MEI1: variants seen among roughly 807,000 people sequenced by gnomAD.
MEI1 encodes meiosis inhibitor protein 1.
MEI1 carries 103 observed loss-of-function variants against 146.2 expected under a neutral mutation model. The ratio of observed to expected loss-of-function variants is 0.70; its 90% CI spans 0.60 to 0.83. The LOEUF (loss-of-function observed/expected upper bound fraction) is 0.83, where lower values mean the gene tolerates loss of function less well. Among genes scored for constraint, MEI1 ranks in the 40% least tolerant of loss-of-function variants. The pLI, the probability that MEI1 is intolerant of heterozygous loss-of-function variation, is 0.00. For missense variants in MEI1, 1,529 were observed against 1,533.0 expected (o/e 1.00, Z 0.04); for synonymous variants, 652 against 628.2 (o/e 1.04, Z -0.57).
chr22:41,759,758 G>A (rs1022726264), intron 18 of MEI1, among the ~76,000 whole-genome samples: 4 of 152,158 alleles, frequency 2.6e-5, no homozygotes, highest in Admixed American at 1.3e-4. Flanking sequence ...GAACCCAGGA[G>A]GTGGAGGTTG....
intron 11 of MEI1, among the ~76,000 whole-genome samples, chr22:41,741,210 T>C (rs2072835920): frequency 6.6e-6 from 1 of 152,206 alleles, no homozygotes; most frequent in South Asian, 2.1e-4. Flanking sequence ...ACAAGCTTGC[T>C]TTAGAGGGGA....
At chr22:41,730,059 T>C (rs937451202) in intron 8 of MEI1, among the ~76,000 whole-genome samples, 1 of 152,218 alleles carries the variant, frequency 6.6e-6, no homozygotes, top group African/African-American at 2.4e-5. Flanking sequence ...GGGACTGTTA[T>C]GAGATGCATT....
At chr22:41,742,714 T>G (rs2072984167) in intron 11 of MEI1, among the ~76,000 whole-genome samples, 1 of 152,194 alleles carries the variant, frequency 6.6e-6, no homozygotes, top group Admixed American at 6.5e-5. Context: ...TGCAGTAGTA[T>G]GATCACGGCT....
intron 30 of MEI1, 71 bp from the exon 31 acceptor site, chr22:41,799,183 G>C: frequency 6.9e-7 from 1 of 1,449,338 alleles, no homozygotes; most frequent in Non-Finnish European, 9.7e-7. Context: ...ACTGTTTTGG[G>C]CTCTGGAAGT....
chr22:41,794,305 A>C (rs738247), intron 27 of MEI1, 66 bp from the exon 28 acceptor site: 1 of 1,339,976 alleles, frequency 7.5e-7, no homozygotes, highest in Non-Finnish European at 1.1e-6. Flanking sequence ...CAATAGGAGA[A>C]GGTCCTCTTG....
chr22:41,707,248 G>C (rs1408338028), intron 3 of MEI1, among the ~76,000 whole-genome samples: 2 of 152,028 alleles, frequency 1.3e-5, no homozygotes, highest in African/African-American at 4.8e-5. Flanking sequence ...AAGAAAAAGA[G>C]AACAACCAAA....
At chr22:41,765,472 C>T (rs542916493) in intron 19 of MEI1, among the ~76,000 whole-genome samples, 1 of 152,126 alleles carries the variant, frequency 6.6e-6, no homozygotes, top group African/African-American at 2.4e-5. Flanking sequence ...CAGAGTAAGA[C>T]GTTGTCTCAA....
chr22:41,778,118 A>G (rs1340330489), intron 21 of MEI1, among the ~76,000 whole-genome samples: 1 of 151,734 alleles, frequency 6.6e-6, no homozygotes, highest in African/African-American at 2.4e-5. Flanking sequence ...ACTCCTGAGT[A>G]GCTGGGGTTA....
At chr22:41,716,716 G>A (rs966428465) in intron 5 of MEI1, among the ~76,000 whole-genome samples, 7 of 121,218 alleles carry the variant, frequency 5.8e-5, no homozygotes, top group Non-Finnish European at 1.0e-4. Context: ...CCTGAGACGA[G>A]TCTTGCTCTG....
intron 14 of MEI1, among the ~76,000 whole-genome samples, 193 bp downstream of exon 14, chr22:41,746,219 C>T (rs2073278366): frequency 6.6e-6 from 1 of 152,110 alleles, no homozygotes; most frequent in African/African-American, 2.4e-5. Context: ...CTAACAGGTT[C>T]ATCTTAAGAA....
At chr22:41,766,140 G>T (rs2074839400) in intron 19 of MEI1, among the ~76,000 whole-genome samples, 2 of 151,744 alleles carry the variant, frequency 1.3e-5, no homozygotes, top group Non-Finnish European at 2.9e-5. Flanking sequence ...CTCCCAAAGT[G>T]CTGGGATTAC....
rs2076323159 is a variant in MEI1, at chr22:41,795,324, G to A, written c.3535-87G>A. ...CAGGTTCTGTGGGCTTCAGGACAGTGTCTCCTAAAGTTGGGGCACAGCAGT... is the reference window on the plus strand; with the variant it reads ...CAGGTTCTGTGGGCTTCAGGACAGTATCTCCTAAAGTTGGGGCACAGCAGT... On this transcript the variant is annotated intron_variant, in intron 28 of 30. Transcript: ENST00000401548. The surrounding 1 kb of genome is among the most constrained non-coding windows in gnomAD (Gnocchi z 4.2). The A allele has an allele frequency of 5.8e-6, 9 of 1,546,234 alleles. No homozygotes were observed. The highest frequency in any genetic ancestry group is 2.3e-5 in the East Asian group (1 of 44,240).
At chr22:41,750,819 A>C (rs1369468087) in intron 15 of MEI1, among the ~76,000 whole-genome samples, 1 of 152,210 alleles carries the variant, frequency 6.6e-6, no homozygotes, top group Non-Finnish European at 1.5e-5. Flanking sequence ...AAGATGATGC[A>C]TATAGATTTC....
Position 41,748,099 on chromosome 22 carries a change from C to T in MEI1, c.1681-8C>T, listed in dbSNP as rs1305818985. ...GTGGGCTGTGTTCTCTCTCCTGGTT[C>T]TTTGCAGAGACACTTGGAGCAGACC... On this transcript the variant is annotated splice_polypyrimidine_tract_variant and splice_region_variant and intron_variant, in intron 14 of 30. Coordinates refer to ENST00000401548, the MANE Select transcript of MEI1 (RefSeq NM_152513.4). The T allele has an allele frequency of 3.1e-6, 5 of 1,603,932 alleles. No homozygotes were observed. The African/African-American group carries it at 5.3e-5, about 17-fold the overall frequency.
In MEI1 at chr22:41,709,313, A is replaced by G. The variant is rs2069352666; in HGVS notation, c.349+3759A>G. On this transcript the variant is annotated intron_variant, in intron 3 of 30. Transcript: ENST00000401548. ...GTTATTCCCTTCCTTGCCAGCATCC[A>G]CTTTTCCCTTTTTCCCTTTGGGTAC... 17 of 799,488 alleles carry G rather than the reference A, an allele frequency of 2.1e-5. 1 individual carries two copies. The South Asian group carries it at 2.3e-4, about 11-fold the overall frequency. 49.5% of individuals were successfully genotyped at this position (799,488 alleles called of 1,614,324 possible). A position where few individuals can be genotyped will look rare whatever the true frequency, so the allele number is the denominator to read the frequency against.
intron 26 of MEI1, among the ~76,000 whole-genome samples, chr22:41,791,707 A>G (rs1424092878): frequency 6.6e-6 from 1 of 152,240 alleles, no homozygotes; most frequent in Non-Finnish European, 1.5e-5. Flanking sequence ...GAATGTCCAT[A>G]GCAGCACTAT....
Position 41,732,471 on chromosome 22 carries a change from A to T in MEI1, c.1199A>T (p.Gln400Leu). 6.2e-7 allele frequency: 1 copy of T among 1,613,938 alleles called. No homozygotes were observed. The highest frequency in any genetic ancestry group is 1.6e-4 in the Middle Eastern group (1 of 6,062). Residue 400 changes from glutamine (Q) to leucine (L), a missense_variant and splice_region_variant, in exon 11 of 31, where the codon CAG becomes CTG. Gln to Leu is a moderately radical substitution (Grantham distance 113). Coordinates refer to ENST00000401548, the MANE Select transcript of MEI1 (RefSeq NM_152513.4). ...LLLFAEILTR[Q>L]PEEIKLFTSS... ...GTTTCTCATCTTCCATTTCTCAGGCAGCCAGAGGAGATCAAGCTGTTCACA... is the reference window on the plus strand; with the variant it reads ...GTTTCTCATCTTCCATTTCTCAGGCTGCCAGAGGAGATCAAGCTGTTCACA...
chr22:41,719,138 A>G (rs915307974), intron 6 of MEI1, among the ~76,000 whole-genome samples: 1 of 151,748 alleles, frequency 6.6e-6, no homozygotes, highest in Non-Finnish European at 1.5e-5. Flanking sequence ...GCCTGCCACC[A>G]TGCCCAGCTA....
At chr22:41,738,039 G>A (rs1300951556) in intron 11 of MEI1, among the ~76,000 whole-genome samples, 1 of 152,188 alleles carries the variant, frequency 6.6e-6, no homozygotes, top group African/African-American at 2.4e-5. Flanking sequence ...TATTGGCTGG[G>A]CACGGTGGCT....
Sources: gnomAD v4.1 joint callset for allele counts (sites outside exome capture counted in the v4.1 genomes callset) on GRCh38, gnomAD v4.1.1 for gene constraint, Gnocchi (gnomAD v3.1) non-coding constraint, MANE v1.5 for transcripts, NCBI Gene and HGNC (gene_info 2026-07-23, HGNC 2026-07-21) for gene names.